RBMS1: variants seen among roughly 807,000 people sequenced by gnomAD.
RBMS1 encodes RNA binding motif single stranded interacting protein 1.
In RBMS1, 17 loss-of-function variants were observed where a neutral mutation model predicts 62.3. The observed-to-expected ratio is 0.27, with a 90% CI of 0.19 to 0.41. RBMS1 has a LOEUF of 0.41. Ranked by LOEUF, RBMS1 falls within the 10% of genes least tolerant of loss-of-function variation. RBMS1 has a pLI of 1.00. For synonymous variants in RBMS1, 172 were observed against 170.0 expected, an observed-to-expected ratio of 1.01 and a Z score of -0.09; for missense variants, 334 against 504.5, an observed-to-expected ratio of 0.66 and a Z score of 3.24.
At chr2:160,339,376 C>G (rs1442389517) in intron 2 of RBMS1, among the ~76,000 whole-genome samples, 1 of 152,094 alleles carries the variant, frequency 6.6e-6, no homozygotes, top group Non-Finnish European at 1.5e-5. Flanking sequence ...ATTTTGAGCT[C>G]TTATTCCTTT....
intron 6 of RBMS1, among the ~76,000 whole-genome samples, chr2:160,299,512 G>A (rs1574238554): frequency 6.7e-6 from 1 of 149,956 alleles, no homozygotes; most frequent in African/African-American, 2.5e-5. Flanking sequence ...CGGCTTTGCT[G>A]AAAAAAAAAA....
intron 1 of RBMS1, among the ~76,000 whole-genome samples, chr2:160,451,299 T>C (rs1683981316): frequency 6.6e-6 from 1 of 152,212 alleles, no homozygotes; most frequent in Admixed American, 6.5e-5. Flanking sequence ...GCTCTTTGGG[T>C]GTTGGTTGTT....
chr2:160,426,774 C>T (rs945762207), intron 1 of RBMS1, among the ~76,000 whole-genome samples: 1 of 152,168 alleles, frequency 6.6e-6, no homozygotes, highest in African/African-American at 2.4e-5. Context: ...CCACCTCATT[C>T]CGGGTGACTT....
chr2:160,436,124 TG>T (rs1277412031), intron 1 of RBMS1, among the ~76,000 whole-genome samples: 1 of 152,224 alleles, frequency 6.6e-6, no homozygotes, highest in Non-Finnish European at 1.5e-5. Context: ...AATGAGCCAC[TG>T]TCAACTCCTT....
chr2:160,308,013 A>C (rs961411340), intron 4 of RBMS1, among the ~76,000 whole-genome samples: 1 of 152,214 alleles, frequency 6.6e-6, no homozygotes, highest in African/African-American at 2.4e-5. Context: ...ACTTTAATAT[A>C]TGGCAATATG....
intron 1 of RBMS1, among the ~76,000 whole-genome samples, chr2:160,398,457 G>A (rs978366534): frequency 1.3e-5 from 2 of 152,132 alleles, no homozygotes; most frequent in Non-Finnish European, 2.9e-5. Flanking sequence ...TAATCTCAAG[G>A]GAGTGGTAAA....
chr2:160,379,869 A>G (rs1694189835), intron 1 of RBMS1, among the ~76,000 whole-genome samples: 1 of 152,318 alleles, frequency 6.6e-6, no homozygotes. Flanking sequence ...CGGACAACAT[A>G]AAGTTCTGGC....
intron 1 of RBMS1, among the ~76,000 whole-genome samples, chr2:160,414,191 C>T (rs1400700063): frequency 6.6e-6 from 1 of 152,140 alleles, no homozygotes; most frequent in Non-Finnish European, 1.5e-5. Context: ...TTCCAATATT[C>T]GAATATATCG....
intron 1 of RBMS1, among the ~76,000 whole-genome samples, chr2:160,477,577 T>A (rs1028680823): frequency 6.6e-5 from 10 of 151,984 alleles, no homozygotes; most frequent in South Asian, 2.1e-4. Flanking sequence ...TTTTTTTTTT[T>A]AATTTGCCTG....
At position 160,398,037 on chromosome 2, in the gene RBMS1, C is replaced by G. The variant is rs181705084; in HGVS notation, c.76-30646G>C. Among the ~76,000 whole-genome samples the G allele has an allele frequency of 3.4e-3, 524 of 152,332 alleles. 13 individuals carry two copies. The highest frequency in any genetic ancestry group is 0.034 in the Admixed American group (513 of 15,310). ...ATTCCCAATGCTCCACCTATTAAAT[C>G]TGAGAAGTTTCTGTGCTTCTTCCCC... On this transcript the variant is annotated intron_variant, in intron 1 of 13. Coordinates refer to ENST00000348849, the MANE Select transcript of RBMS1 (RefSeq NM_016836.4).
intron 4 of RBMS1, among the ~76,000 whole-genome samples, chr2:160,306,353 G>A (rs762949021): frequency 1.3e-5 from 2 of 151,998 alleles, no homozygotes; most frequent in Non-Finnish European, 2.9e-5. Context: ...AAAGTTTACC[G>A]ATGAGGAAAT....
intron 4 of RBMS1, among the ~76,000 whole-genome samples, chr2:160,312,147 C>A (rs570861433): frequency 6.6e-6 from 1 of 152,144 alleles, no homozygotes; most frequent in African/African-American, 2.4e-5. Flanking sequence ...ATGACTGCAC[C>A]TGAACTAGGG....
At chr2:160,290,649 T>C (rs1413219693) in intron 6 of RBMS1, among the ~76,000 whole-genome samples, 2 of 152,196 alleles carry the variant, frequency 1.3e-5, no homozygotes, top group East Asian at 1.9e-4. Flanking sequence ...AAAGAGTTAT[T>C]TTCCTGTTCA....
chr2:160,434,350 A>G (rs1683028344), intron 1 of RBMS1, among the ~76,000 whole-genome samples: 1 of 152,216 alleles, frequency 6.6e-6, no homozygotes, highest in Admixed American at 6.5e-5. Flanking sequence ...ACTCTAGCCA[A>G]TAGTTTCAGT....
intron 2 of RBMS1, among the ~76,000 whole-genome samples, chr2:160,358,948 A>T (rs554416477): frequency 5.3e-5 from 8 of 152,048 alleles, no homozygotes; most frequent in South Asian, 2.1e-4. Flanking sequence ...ATACCATTTT[A>T]AAAAAAACAG....
chr2:160,370,010 T>C (rs1693635841), intron 1 of RBMS1, among the ~76,000 whole-genome samples: 1 of 152,182 alleles, frequency 6.6e-6, no homozygotes, highest in African/African-American at 2.4e-5. Flanking sequence ...CCATATTTAC[T>C]GCAGTATTTT....
chr2:160,281,264 T>C (rs754865321), intron 10 of RBMS1, 50 bp downstream of exon 10: 2 of 1,458,636 alleles, frequency 1.4e-6, no homozygotes, highest in Non-Finnish European at 1.9e-6. Context: ...AGAGAGAATA[T>C]ACACATAACT....
intron 1 of RBMS1, among the ~76,000 whole-genome samples, chr2:160,444,647 T>C (rs1446380978): frequency 1.3e-5 from 2 of 152,152 alleles, no homozygotes; most frequent in Non-Finnish European, 2.9e-5. Context: ...CTCCCAAAAA[T>C]GGCTATGTTG....
chr2:160,278,767 A>G lies in RBMS1; in HGVS notation c.952-109T>C, dbSNP rs1687963796. The G allele has an allele frequency of 3.6e-5, 24 of 666,038 alleles. 1 individual carries two copies. The South Asian group carries it at 4.8e-4, about 13-fold the overall frequency. The allele number at this position is 666,038 out of a possible 1,614,324, so 41.3% of individuals were successfully genotyped here. ...CTTAGTTTGTTTAAGAATGTGAAGC[A>G]AAAACAACCTTCCTCAATCTTGCAA... On this transcript the variant is annotated intron_variant, in intron 10 of 13. Transcript: ENST00000348849.
Sources: gnomAD v4.1 joint callset for allele counts (sites outside exome capture counted in the v4.1 genomes callset) on GRCh38, gnomAD v4.1.1 for gene constraint, MANE v1.5 for transcripts, NCBI Gene and HGNC (gene_info 2026-07-23, HGNC 2026-07-21) for gene names.